MBD5: variants seen among roughly 807,000 people sequenced by gnomAD.
MBD5 encodes the protein methyl-CpG-binding domain protein 5.
MBD5 carries 13 observed loss-of-function variants against 117.3 expected under a neutral mutation model. The ratio of observed to expected loss-of-function variants is 0.11; its 90% CI spans 0.07 to 0.18. The LOEUF (loss-of-function observed/expected upper bound fraction) is 0.18. Among genes scored for constraint, MBD5 ranks in the 10% least tolerant of loss-of-function variants. The pLI is 1.00. For missense variants in MBD5, 1,879 were observed against 2,093.8 expected, an observed-to-expected ratio of 0.90 and a Z score of 2.00; for synonymous variants, 727 against 766.4, an observed-to-expected ratio of 0.95 and a Z score of 0.85.
At chr2:148,118,635 T>C (rs1696695870) in intron 1 of MBD5, among the ~76,000 whole-genome samples, 1 of 151,944 alleles carries the variant, frequency 6.6e-6, no homozygotes, top group South Asian at 2.1e-4. Flanking sequence ...TTGGCTTGTA[T>C]TACCCGTCAC....
intron 3 of MBD5, among the ~76,000 whole-genome samples, chr2:148,280,142 AAAAAAAAAC>A (rs1383456701): frequency 3.4e-5 from 5 of 148,150 alleles, no homozygotes; most frequent in Admixed American, 1.3e-4. Flanking sequence ...AAAAAAAAAA[AAAAAAAAAC>A]AAAAAGAAAA....
chr2:148,380,033 A>T (rs1704091153), intron 4 of MBD5, among the ~76,000 whole-genome samples: 1 of 152,238 alleles, frequency 6.6e-6, no homozygotes, highest in Non-Finnish European at 1.5e-5. Flanking sequence ...ATGTGAAAAG[A>T]TTGAAAATGA....
At chr2:148,136,130 C>T (rs1011316066) in intron 1 of MBD5, among the ~76,000 whole-genome samples, 9 of 152,176 alleles carry the variant, frequency 5.9e-5, no homozygotes. Context: ...GGGACACATT[C>T]TCAGGTGACC....
At chr2:148,402,308 TTCC>T (rs1255017950) in intron 4 of MBD5, among the ~76,000 whole-genome samples, 1 of 152,152 alleles carries the variant, frequency 6.6e-6, no homozygotes, top group Non-Finnish European at 1.5e-5. Context: ...ATTTCCTTCA[TTCC>T]TCCTACTTTT....
chr2:148,454,530 A>T (rs1332952551), intron 4 of MBD5, among the ~76,000 whole-genome samples: 1 of 152,190 alleles, frequency 6.6e-6, no homozygotes, highest in Non-Finnish European at 1.5e-5. Flanking sequence ...TACATATAAC[A>T]GTAAAATATT....
intron 1 of MBD5, among the ~76,000 whole-genome samples, chr2:148,119,172 C>T (rs1393792640): frequency 6.6e-6 from 1 of 151,978 alleles, no homozygotes; most frequent in Non-Finnish European, 1.5e-5. Flanking sequence ...ATGTCCTTAC[C>T]AACATTTTTA....
chr2:148,451,573 A>T (rs943711255), intron 4 of MBD5, among the ~76,000 whole-genome samples: 24 of 152,186 alleles, frequency 1.6e-4, no homozygotes, highest in Non-Finnish European at 1.5e-5. Context: ...ATAATGATGG[A>T]AAGATTATGA....
intron 1 of MBD5, chr2:148,044,441 G>A (rs1172590849): frequency 6.6e-6 from 1 of 152,126 alleles, no homozygotes; most frequent in African/African-American, 2.4e-5. Flanking sequence ...TTTAAACACA[G>A]AAGAAAAAGT....
At chr2:148,346,383 T>C (rs939443458) in intron 4 of MBD5, 1 of 152,020 alleles carries the variant, frequency 6.6e-6, no homozygotes, top group African/African-American at 2.4e-5. Context: ...TTCTTAAAAA[T>C]GGAATCGGTA....
chr2:148,147,250 A>AT (rs1438493403), intron 1 of MBD5, among the ~76,000 whole-genome samples: 4 of 150,572 alleles, frequency 2.7e-5, no homozygotes, highest in Non-Finnish European at 4.4e-5. Flanking sequence ...TATTTATTTT[A>AT]TTTTTTTTCT....
At chr2:148,243,002 TG>T (rs1700250109) in intron 3 of MBD5, among the ~76,000 whole-genome samples, 1 of 152,202 alleles carries the variant, frequency 6.6e-6, no homozygotes. Context: ...TAACTCTCTC[TG>T]TAAGCATTAT....
intron 3 of MBD5, among the ~76,000 whole-genome samples, chr2:148,305,125 A>T (rs768524139): frequency 6.6e-6 from 1 of 152,154 alleles, no homozygotes; most frequent in Non-Finnish European, 1.5e-5. Flanking sequence ...CAAGGATGGG[A>T]GATTTTTGCT....
Position 148,152,456 on chromosome 2 carries a change from C to T in MBD5, c.-924-26244C>T, listed in dbSNP as rs561854356. Among the ~76,000 whole-genome samples, 260 of 151,868 alleles carry T rather than the reference C, an allele frequency of 1.7e-3. 1 individual carries two copies. Among genetic ancestry groups the T allele is most frequent in the African/African-American group, 4.8e-3 (198 of 41,410 alleles). On this transcript the variant is annotated intron_variant, in intron 1 of 13. Coordinates refer to ENST00000642680, the MANE Select transcript of MBD5 (RefSeq NM_001378120.1). Reference sequence around the variant, plus strand: ...GAGTTCTGTAGATGTCTATTAGGTCCGCTTGCTGCAGAGCTGAGTTCAATT... The same window carrying T: ...GAGTTCTGTAGATGTCTATTAGGTCTGCTTGCTGCAGAGCTGAGTTCAATT...
intron 1 of MBD5, among the ~76,000 whole-genome samples, chr2:148,078,646 C>T (rs1392632552): frequency 6.6e-6 from 1 of 152,200 alleles, no homozygotes; most frequent in Non-Finnish European, 1.5e-5. Flanking sequence ...ACTGACTGCT[C>T]TTTCTACAGT....
Position 148,485,929 on chromosome 2 carries a change from T to A in MBD5, c.3732T>A (p.Ala1244=). ...IPCPANNNPM[A]CLFQNFQVRM... ...GCCCAGCTAACAATAACCCCATGGC[T>A]TGTCTGTTTCAGAACTTTCAGGTAC... Residue 1244 remains alanine, a synonymous_variant, in exon 10 of 14, where the codon GCT becomes GCA. Transcript: ENST00000642680. 1 of 1,614,076 alleles carries A rather than the reference T, an allele frequency of 6.2e-7. No individual in the cohort carries two copies. The highest frequency in any genetic ancestry group is 8.5e-7 in the Non-Finnish European group (1 of 1,179,950).
chr2:148,405,496 A>G (rs1268287328), intron 4 of MBD5, among the ~76,000 whole-genome samples: 2 of 152,098 alleles, frequency 1.3e-5, no homozygotes, highest in Non-Finnish European at 1.5e-5. Flanking sequence ...CAACTGCAGA[A>G]GCCAAAAGTC....
At chr2:148,357,193 T>C (rs183334706) in intron 4 of MBD5, among the ~76,000 whole-genome samples, 1 of 152,320 alleles carries the variant, frequency 6.6e-6, no homozygotes, top group East Asian at 1.9e-4. Context: ...AATTGACATT[T>C]TGTACCACTT....
rs992412140 is a variant in MBD5 at position 148,417,702 on chromosome 2, A to G, written c.-556-40501A>G. ...TGTGACTGTAATTTGCATTTCCCTG[A>G]TTATTAATTATGTCGAGTATTTTTT... On this transcript the variant is annotated intron_variant, in intron 4 of 13. Coordinates refer to ENST00000642680, the MANE Select transcript of MBD5 (RefSeq NM_001378120.1). 2.0e-5 allele frequency among the ~76,000 whole-genome samples: 3 copies of G among 151,810 alleles called. No individual in the cohort carries two copies. In the East Asian group the frequency reaches 5.8e-4, roughly 29 times the overall value.
chr2:148,362,634 C>T (rs79071766), intron 4 of MBD5, among the ~76,000 whole-genome samples: 1,628 of 152,316 alleles, frequency 0.011, 15 homozygotes, highest in African/African-American at 0.035. Flanking sequence ...GCTCGAGCTC[C>T]GCTAACTGAC....
Sources: gnomAD v4.1 joint callset for allele counts (sites outside exome capture counted in the v4.1 genomes callset) on GRCh38, gnomAD v4.1.1 for gene constraint, MANE v1.5 for transcripts, NCBI Gene and HGNC (gene_info 2026-07-23, HGNC 2026-07-21) for gene names.